The following SHLD1 variants were observed in gnomAD, a reference collection of about 807,000 sequenced individuals.
SHLD1 encodes the protein RINN1-REV7-interacting novel NHEJ regulator 3.
SHLD1 carries 3 observed loss-of-function variants against 5.5 expected under a neutral mutation model. The observed-to-expected ratio is 0.54, with a 90% CI of 0.25 to 1.40. The LOEUF (loss-of-function observed/expected upper bound fraction) is 1.40. SHLD1 is among the 40% of genes most tolerant of loss of function. SHLD1 has a pLI of 0.15. For synonymous variants in SHLD1, 92 were observed against 94.3 expected, an observed-to-expected ratio of 0.98 and a Z score of 0.14; for missense variants, 210 against 244.4, an observed-to-expected ratio of 0.86 and a Z score of 0.94.
chr20:5,827,556 C>T (rs1014760078), intron 2 of SHLD1, among the ~76,000 whole-genome samples: 6 of 152,118 alleles, frequency 3.9e-5, no homozygotes, highest in Admixed American at 1.3e-4. Context: ...ACCCACAGGC[C>T]CCCCATCTCT....
chr20:5,764,548 A>AT (rs1984716538), intron 1 of SHLD1, among the ~76,000 whole-genome samples: 1 of 149,486 alleles, frequency 6.7e-6, no homozygotes, highest in Admixed American at 6.7e-5. Flanking sequence ...AAAAAAAAAA[A>AT]TTTTGCCAAG....
intron 1 of SHLD1, among the ~76,000 whole-genome samples, chr20:5,750,986 G>A (rs748682434): frequency 5.0e-4 from 76 of 152,272 alleles, no homozygotes; most frequent in Non-Finnish European, 8.1e-4. Context: ...GACAGAGCAA[G>A]ACAACGTACC....
intron 2 of SHLD1, among the ~76,000 whole-genome samples, chr20:5,781,670 G>C (rs34086710): frequency 0.017 from 2,519 of 152,072 alleles, 87 homozygotes; most frequent in Admixed American, 0.082. Context: ...GTAGAGACAG[G>C]GTTTCACCAT....
At chr20:5,818,139 T>C (rs2087562007) in intron 2 of SHLD1, among the ~76,000 whole-genome samples, 1 of 151,996 alleles carries the variant, frequency 6.6e-6, no homozygotes, top group African/African-American at 2.4e-5. Flanking sequence ...GCAGTAGCAC[T>C]ATCTCGGCTC....
At chr20:5,840,817 A>G (rs552118057) in intron 2 of SHLD1, among the ~76,000 whole-genome samples, 2 of 152,342 alleles carry the variant, frequency 1.3e-5, no homozygotes, top group East Asian at 3.9e-4. Context: ...GGTTGTAACT[A>G]AAAACCCAGA....
chr20:5,780,190 T>G lies in SHLD1; in HGVS notation c.178+7147T>G, dbSNP rs569659345. Reference sequence around the variant, plus strand: ...GACAAGGTTTTGCCATGTTGGCCAGTCTGGTCTCAAACTCCTGGCCTCAAG... The same window carrying G: ...GACAAGGTTTTGCCATGTTGGCCAGGCTGGTCTCAAACTCCTGGCCTCAAG... On this transcript the variant is annotated intron_variant, in intron 2 of 2. Coordinates refer to ENST00000303142, the MANE Select transcript of SHLD1 (RefSeq NM_152504.4). Among the ~76,000 whole-genome samples, 15 of 152,052 alleles carry G rather than the reference T, an allele frequency of 9.9e-5. No individual in the cohort carries two copies. In the South Asian group the frequency reaches 3.1e-3, roughly 32 times the overall value.
At chr20:5,844,795 A>ATTTTTT (rs1258738443) in intron 2 of SHLD1, among the ~76,000 whole-genome samples, 9 of 105,046 alleles carry the variant, frequency 8.6e-5, no homozygotes, top group African/African-American at 4.2e-4. Flanking sequence ...ATATATATAT[A>ATTTTTT]TATATTTTTT....
intron 2 of SHLD1, among the ~76,000 whole-genome samples, chr20:5,788,458 A>G (rs1884567934): frequency 1.3e-5 from 2 of 152,246 alleles, no homozygotes; most frequent in Non-Finnish European, 2.9e-5. Flanking sequence ...TCAGCCAATA[A>G]TACCCAGAGA....
chr20:5,763,946 T>TAAAAAA (rs1233102331), intron 1 of SHLD1, among the ~76,000 whole-genome samples: 3 of 70,172 alleles, frequency 4.3e-5, no homozygotes, highest in Non-Finnish European at 7.8e-5. Flanking sequence ...CCGTCTTTAC[T>TAAAAAA]AAAAAAAAAA....
chr20:5,821,480 C>T (rs778945119), intron 2 of SHLD1, among the ~76,000 whole-genome samples: 71 of 152,116 alleles, frequency 4.7e-4, no homozygotes, highest in Non-Finnish European at 7.8e-4. Context: ...CCACTGCACT[C>T]CAGCCTGGGT....
chr20:5,811,176 C>T (rs1046678101), intron 2 of SHLD1, among the ~76,000 whole-genome samples: 3 of 152,128 alleles, frequency 2.0e-5, no homozygotes, highest in Admixed American at 6.5e-5. Flanking sequence ...CTCCAAATTA[C>T]GTACCAGAAG....
At chr20:5,860,144 T>A (rs2088142043) in intron 2 of SHLD1, among the ~76,000 whole-genome samples, 1 of 146,332 alleles carries the variant, frequency 6.8e-6, no homozygotes, top group Non-Finnish European at 1.5e-5. Flanking sequence ...CAAGGTCATC[T>A]GCGGGTAAGA....
intron 2 of SHLD1, among the ~76,000 whole-genome samples, chr20:5,783,470 T>C (rs2087014668): frequency 6.6e-6 from 1 of 152,082 alleles, no homozygotes; most frequent in Non-Finnish European, 1.5e-5. Flanking sequence ...TTGATCCACC[T>C]ACCTTGGCCT....
intron 2 of SHLD1, among the ~76,000 whole-genome samples, chr20:5,853,590 C>T (rs948231537): frequency 6.6e-6 from 1 of 152,088 alleles, no homozygotes; most frequent in African/African-American, 2.4e-5. Context: ...AAAACTTTGA[C>T]TGATTGGGTT....
chr20:5,848,770 A>G (rs926255157), intron 2 of SHLD1, among the ~76,000 whole-genome samples: 1 of 152,188 alleles, frequency 6.6e-6, no homozygotes, highest in Non-Finnish European at 1.5e-5. Flanking sequence ...CTATTTACTA[A>G]ACACACCTGT....
chr20:5,772,364 G>T (rs1985214392), intron 1 of SHLD1, among the ~76,000 whole-genome samples: 2 of 152,194 alleles, frequency 1.3e-5, no homozygotes, highest in South Asian at 4.1e-4. Flanking sequence ...TAAGGGGCAG[G>T]TAGCATGTAC....
chr20:5,763,389 A>T (rs1984589995), intron 1 of SHLD1, among the ~76,000 whole-genome samples: 1 of 152,188 alleles, frequency 6.6e-6, no homozygotes, highest in Admixed American at 6.5e-5. Flanking sequence ...CTCTGCCAAA[A>T]GGAACAAATT....
chr20:5,836,910 A>G (rs562559390), intron 2 of SHLD1, among the ~76,000 whole-genome samples: 1 of 152,368 alleles, frequency 6.6e-6, no homozygotes, highest in Non-Finnish European at 1.5e-5. Flanking sequence ...CTTAAAAGAA[A>G]CAGAGACAAG....
intron 2 of SHLD1, among the ~76,000 whole-genome samples, chr20:5,848,647 A>G (rs2087961435): frequency 6.6e-6 from 1 of 152,212 alleles, no homozygotes; most frequent in Non-Finnish European, 1.5e-5. Flanking sequence ...GTGAGCTTGG[A>G]TGTTACAGTT....
Sources: gnomAD v4.1 joint callset for allele counts (sites outside exome capture counted in the v4.1 genomes callset) on GRCh38, gnomAD v4.1.1 for gene constraint, MANE v1.5 for transcripts, NCBI Gene and HGNC (gene_info 2026-07-23, HGNC 2026-07-21) for gene names.